ART3: variants seen among roughly 807,000 people sequenced by gnomAD.
ART3 encodes ADP-ribosyltransferase 3 (inactive).
Under a neutral mutation model 48.5 loss-of-function variants are expected in ART3, and 49 were observed. The ratio of observed to expected loss-of-function variants is 1.01; its 90% CI spans 0.80 to 1.28. The LOEUF (loss-of-function observed/expected upper bound fraction) is 1.28, where lower values mean the gene tolerates loss of function less well. Among genes scored for constraint, ART3 ranks in the 50% most tolerant of loss-of-function variants. The probability of loss-of-function intolerance (pLI) is 0.00; values close to 1 mark genes in which losing one functional copy is unlikely to be tolerated. For synonymous variants in ART3, 145 were observed against 157.2 expected, an observed-to-expected ratio of 0.92 and a Z score of 0.58; for missense variants, 438 against 454.3, an observed-to-expected ratio of 0.96 and a Z score of 0.33.
At chr4:76,063,570 G>GA (rs1719436421) in intron 1 of ART3, among the ~76,000 whole-genome samples, 2 of 152,092 alleles carry the variant, frequency 1.3e-5, no homozygotes, top group South Asian at 4.1e-4. Flanking sequence ...GAAAAAATTA[G>GA]AAAATGGACT....
At chr4:76,111,129 C>T (rs1057196315) in intron 11 of ART3, among the ~76,000 whole-genome samples, 1 of 152,174 alleles carries the variant, frequency 6.6e-6, no homozygotes, top group African/African-American at 2.4e-5. Context: ...TCAAATGTTT[C>T]GAGTATCCTC....
Position 76,038,696 on chromosome 4 carries a change from A to ATTATTTAT in ART3, c.-10+27409_-10+27416dup, listed in dbSNP as rs58279842. 9.6e-4 allele frequency among the ~76,000 whole-genome samples: 143 copies of ATTATTTAT among 149,528 alleles called. 1 individual carries two copies. The highest frequency in any genetic ancestry group is 3.4e-3 in the Middle Eastern group (1 of 292). ...CAGCCTGTGTTCAAATCCACCCTTG[A>ATTATTTAT]TTATTTATTTATTTATTTATTTATT... On this transcript the variant is annotated intron_variant, in intron 1 of 9. Transcript: ENST00000341029.
In ART3 at chr4:76,112,614, C is replaced by T; in HGVS notation, c.*95C>T. 1 of 1,338,320 alleles carries T rather than the reference C, an allele frequency of 7.5e-7. No homozygotes were observed. The highest frequency in any genetic ancestry group is 1.0e-6 in the Non-Finnish European group (1 of 999,098). 82.9% of individuals were successfully genotyped at this position (1,338,320 alleles called of 1,614,324 possible). ...GAATGATGTATTTTTTACGTGTTGG[C>T]CAAAGTCACTGGATAAAATGAGAAT... is the stretch of plus-strand genomic sequence containing the variant. On this transcript the variant is annotated 3_prime_UTR_variant, in exon 12 of 12. Transcript: ENST00000355810.
chr4:76,092,918 G>A (rs372141343), intron 3 of ART3, among the ~76,000 whole-genome samples: 8 of 152,134 alleles, frequency 5.3e-5, no homozygotes, highest in African/African-American at 1.7e-4. Context: ...AAATTTAATG[G>A]TTTAAAACAA....
intron 5 of ART3, among the ~76,000 whole-genome samples, chr4:76,099,924 G>A (rs13131187): frequency 0.35 from 53,014 of 152,152 alleles, 9,916 homozygotes; most frequent in East Asian, 0.56. Context: ...AGCACTTTAT[G>A]CCTTGAAGAC....
rs1578207153 is a variant in ART3 at position 76,022,028 on chromosome 4, G to C, written c.-10+10708G>C. The stretch of plus-strand genomic sequence containing the variant: ...TTGGGTTGTGTTTGGAAAGTACCGA[G>C]TTCATAGAATAGATAACTGAGCTTT... On this transcript the variant is annotated intron_variant, in intron 1 of 9. Transcript: ENST00000341029. 3.9e-6 allele frequency: 5 copies of C among 1,295,730 alleles called. No homozygotes were observed. In the East Asian group the frequency reaches 9.3e-5, roughly 24 times the overall value. 80.3% of individuals were successfully genotyped at this position (1,295,730 alleles called of 1,614,324 possible).
At chr4:76,018,447 A>T (rs760342718) in intron 1 of ART3, among the ~76,000 whole-genome samples, 2 of 152,186 alleles carry the variant, frequency 1.3e-5, no homozygotes, top group Non-Finnish European at 2.9e-5. Flanking sequence ...CAGTGGGGGT[A>T]GGGAGGAAGA....
At chr4:76,071,472 T>C (rs1412015530), upstream of ART3, among the ~76,000 whole-genome samples, 1 of 152,226 alleles carries the variant, frequency 6.6e-6, no homozygotes, top group Non-Finnish European at 1.5e-5. Flanking sequence ...GAAAAACTCC[T>C]TGAAAGAGTT....
chr4:76,080,771 A>T (rs895316748), intron 2 of ART3, among the ~76,000 whole-genome samples: 1 of 152,142 alleles, frequency 6.6e-6, no homozygotes, highest in African/African-American at 2.4e-5. Flanking sequence ...GGCCTCCCAG[A>T]GTGCTGGGAT....
At chr4:76,089,557 G>A (rs1224199350) in intron 3 of ART3, among the ~76,000 whole-genome samples, 1 of 151,994 alleles carries the variant, frequency 6.6e-6, no homozygotes, top group Non-Finnish European at 1.5e-5. Flanking sequence ...GGCCTCCCCT[G>A]CCACGCTTCC....
At chr4:76,011,764 G>C (rs1731818199) in intron 1 of ART3, among the ~76,000 whole-genome samples, 1 of 152,240 alleles carries the variant, frequency 6.6e-6, no homozygotes, top group Admixed American at 6.5e-5. Context: ...TGAGCAGGCT[G>C]GGGCCGCTGC....
At chr4:76,042,685 C>T (rs1006319121) in intron 1 of ART3, among the ~76,000 whole-genome samples, 8 of 151,320 alleles carry the variant, frequency 5.3e-5, no homozygotes, top group Non-Finnish European at 8.9e-5. Flanking sequence ...CTGGTGGGTT[C>T]GTGGTCTCGC....
chr4:76,016,601 C>T (rs1050271940), intron 1 of ART3, among the ~76,000 whole-genome samples: 2 of 152,172 alleles, frequency 1.3e-5, no homozygotes, highest in African/African-American at 4.8e-5. Context: ...GCTCAAGGCC[C>T]TACAGCTCTA....
chr4:76,105,605 A>T (rs951413734), intron 10 of ART3: 3 of 1,277,648 alleles, frequency 2.3e-6, no homozygotes, highest in Admixed American at 2.4e-5. Context: ...TAAGTCCTTT[A>T]CCATAATCAT....
intron 1 of ART3, among the ~76,000 whole-genome samples, chr4:76,069,266 TAACA>T (rs1332093206): frequency 1.3e-5 from 2 of 151,320 alleles, no homozygotes; most frequent in African/African-American, 2.5e-5. Flanking sequence ...TAGTACGCAT[TAACA>T]GTCTTCCTCA....
intron 1 of ART3, among the ~76,000 whole-genome samples, chr4:76,015,772 G>T (rs1366851686): frequency 6.6e-6 from 1 of 152,156 alleles, no homozygotes; most frequent in Non-Finnish European, 1.5e-5. Flanking sequence ...GGGACCATAG[G>T]CATGCGCCAC....
chr4:76,092,006 A>G (rs550467108), intron 3 of ART3, among the ~76,000 whole-genome samples: 2 of 152,290 alleles, frequency 1.3e-5, no homozygotes, highest in South Asian at 4.1e-4. Flanking sequence ...CCAGTATCAT[A>G]TATTGATCAC....
intron 3 of ART3, among the ~76,000 whole-genome samples, chr4:76,087,491 G>A (rs192615720): frequency 6.6e-6 from 1 of 152,284 alleles, no homozygotes; most frequent in East Asian, 1.9e-4. Flanking sequence ...GGAGAATGTA[G>A]TGAGAATCTT....
intron 1 of ART3, among the ~76,000 whole-genome samples, chr4:76,059,388 G>A (rs1718983099): frequency 7.4e-6 from 1 of 135,392 alleles, no homozygotes; most frequent in Non-Finnish European, 1.6e-5. Context: ...TTTTTCCTGA[G>A]CTTTATTTGC....
Sources: gnomAD v4.1 joint callset for allele counts (sites outside exome capture counted in the v4.1 genomes callset) on GRCh38, gnomAD v4.1.1 for gene constraint, MANE v1.5 for transcripts, NCBI Gene and HGNC (gene_info 2026-07-23, HGNC 2026-07-21) for gene names.